The following SLC17A6 variants were observed in gnomAD, a reference collection of about 807,000 sequenced individuals.
SLC17A6 encodes the protein solute carrier family 17 member 6, also known as vesicular glutamate transporter 2.
Under a neutral mutation model 67.1 loss-of-function variants are expected in SLC17A6, and 35 were observed. The ratio of observed to expected loss-of-function variants is 0.52; its 90% CI spans 0.40 to 0.69. The LOEUF (loss-of-function observed/expected upper bound fraction) is 0.69, where lower values mean the gene tolerates loss of function less well. SLC17A6 is among the 30% of genes least tolerant of loss of function. The pLI, the probability that SLC17A6 is intolerant of heterozygous loss-of-function variation, is 0.00. For missense variants in SLC17A6, 588 were observed against 723.9 expected (o/e 0.81, Z 2.15); for synonymous variants, 285 against 252.3 (o/e 1.13, Z -1.23).
chr11:22,339,471 G>A (rs185952301), intron 1 of SLC17A6, among the ~76,000 whole-genome samples: 90 of 151,998 alleles, frequency 5.9e-4, no homozygotes, highest in Admixed American at 1.4e-3. Context: ...GAAAGTCCTA[G>A]AAATGATTTA....
intron 1 of SLC17A6, among the ~76,000 whole-genome samples, chr11:22,340,957 C>A (rs778253406): frequency 6.6e-6 from 1 of 152,116 alleles, no homozygotes; most frequent in African/African-American, 2.4e-5. Flanking sequence ...GATTGGGGAG[C>A]GGAATACCAG....
chr11:22,358,086 G>A (rs547430194), intron 3 of SLC17A6, among the ~76,000 whole-genome samples: 1 of 152,090 alleles, frequency 6.6e-6, no homozygotes, highest in Non-Finnish European at 1.5e-5. Context: ...CAGAAATCCA[G>A]GTCTTTAACA....
intron 5 of SLC17A6, chr11:22,362,381 G>A: frequency 8.9e-6 from 3 of 337,812 alleles, no homozygotes. Flanking sequence ...ACATGCTTGA[G>A]GTCGCAAGAA....
At chr11:22,359,047 G>A (rs1856020188) in intron 3 of SLC17A6, among the ~76,000 whole-genome samples, 2 of 152,174 alleles carry the variant, frequency 1.3e-5, no homozygotes, top group African/African-American at 2.4e-5. Flanking sequence ...TACAATGGAT[G>A]TGAAAAACAA....
intron 8 of SLC17A6, among the ~76,000 whole-genome samples, chr11:22,371,032 G>A (rs1856170048): frequency 6.6e-6 from 1 of 152,034 alleles, no homozygotes; most frequent in Admixed American, 6.6e-5. Flanking sequence ...ACAGAAACTA[G>A]AGAAAGCATT....
intron 9 of SLC17A6, 118 bp downstream of exon 9, chr11:22,375,005 A>C: frequency 9.8e-7 from 1 of 1,021,186 alleles, no homozygotes; most frequent in Non-Finnish European, 1.4e-6. Flanking sequence ...TTGTGCCTTC[A>C]TTATTCACTT....
At chr11:22,376,763 A>G in intron 11 of SLC17A6, 91 bp downstream of exon 11, 2 of 1,394,552 alleles carry the variant, frequency 1.4e-6, no homozygotes, top group Admixed American at 3.5e-5. Context: ...TATCCTTAGC[A>G]TTTTCTTTCT....
chr11:22,350,180 G>A (rs1855922804), intron 3 of SLC17A6, among the ~76,000 whole-genome samples: 1 of 152,124 alleles, frequency 6.6e-6, no homozygotes, highest in African/African-American at 2.4e-5. Context: ...GGCAGTTTGT[G>A]ATACAGGTTT....
At chr11:22,347,381 G>A (rs1362903507) in intron 3 of SLC17A6, among the ~76,000 whole-genome samples, 4 of 152,002 alleles carry the variant, frequency 2.6e-5, no homozygotes. Flanking sequence ...GTAAAGGAGG[G>A]CTAATCAAAG....
Position 22,369,937 on chromosome 11 carries a change from T to A in SLC17A6, c.892-102T>A. ...ACTACATCTTCCTACTTCCTACTTA[T>A]GACCTGTCATATACATCCTGAAAAT... On this transcript the variant is annotated intron_variant, in intron 7 of 11. Coordinates refer to ENST00000263160, the MANE Select transcript of SLC17A6 (RefSeq NM_020346.3). 3 of 1,073,064 alleles carry A rather than the reference T, an allele frequency of 2.8e-6. No homozygotes were observed. In the South Asian group the frequency reaches 4.7e-5, roughly 17 times the overall value. 66.5% of individuals were successfully genotyped at this position (1,073,064 alleles called of 1,614,324 possible).
intron 1 of SLC17A6, 118 bp from the exon 2 acceptor site, chr11:22,341,410 T>G: frequency 4.2e-6 from 6 of 1,423,264 alleles, no homozygotes; most frequent in Non-Finnish European, 5.7e-6. Context: ...TCCCCGAGGG[T>G]GGGGGGAGGT....
intron 3 of SLC17A6, among the ~76,000 whole-genome samples, chr11:22,350,158 T>A (rs1855922633): frequency 6.6e-6 from 1 of 152,180 alleles, no homozygotes. Flanking sequence ...CCATATTGAA[T>A]GCTAATCATC....
intron 1 of SLC17A6, among the ~76,000 whole-genome samples, chr11:22,340,906 G>A (rs1486267182): frequency 1.3e-5 from 2 of 152,214 alleles, no homozygotes; most frequent in East Asian, 3.9e-4. Context: ...GCCTAGAGAG[G>A]CCTTAGTCCA....
rs1259140111 is a variant in SLC17A6 at position 22,338,383 on chromosome 11, TCTCA to T, written c.-147_-144del. The T allele has an allele frequency of 2.3e-4, 140 of 595,814 alleles. 1 individual carries two copies. The South Asian group carries it at 2.9e-3, about 12-fold the overall frequency. 36.9% of individuals were successfully genotyped at this position (595,814 alleles called of 1,614,324 possible). On this transcript the variant is annotated 5_prime_UTR_variant, in exon 1 of 12. Transcript: ENST00000263160. ...TCTCACTCTCCCTCCCTTCTCTCAC[TCTCA>T]CTCTTGCTGGAGGCGAGCCACTACC...
chr11:22,341,828 C>A (rs1341356987), intron 2 of SLC17A6, 48 bp downstream of exon 2: 1 of 1,597,130 alleles, frequency 6.3e-7, no homozygotes. Flanking sequence ...GCCATGCGGC[C>A]TCGCAAAACC....
chr11:22,369,588 AT>A (rs945894316), intron 7 of SLC17A6, among the ~76,000 whole-genome samples: 53 of 151,936 alleles, frequency 3.5e-4, no homozygotes, highest in African/African-American at 1.2e-3. Context: ...TACTCTTAAG[AT>A]TTTGTATCTT....
chr11:22,342,144 A>G (rs887058153), intron 2 of SLC17A6, among the ~76,000 whole-genome samples: 4 of 152,222 alleles, frequency 2.6e-5, no homozygotes, highest in Non-Finnish European at 4.4e-5. Context: ...TTTTCCCAGG[A>G]CTTCAGTCCC....
At chr11:22,345,315 ATT>A (rs5790254) in intron 3 of SLC17A6, among the ~76,000 whole-genome samples, 6 of 142,810 alleles carry the variant, frequency 4.2e-5, no homozygotes, top group Admixed American at 7.0e-5. Context: ...TACTCAAAAG[ATT>A]TTTTTTTTTT....
chr11:22,368,982 A>G (rs970726976), intron 7 of SLC17A6, among the ~76,000 whole-genome samples: 1 of 152,018 alleles, frequency 6.6e-6, no homozygotes, highest in African/African-American at 2.4e-5. Context: ...AAAAGGCTTA[A>G]TTACAGCCAC....
Sources: allele counts gnomAD v4.1 joint callset (sites outside exome capture counted in the v4.1 genomes callset), GRCh38; gene constraint gnomAD v4.1.1; transcripts MANE v1.5; gene names NCBI Gene and HGNC (gene_info 2026-07-23, HGNC 2026-07-21).